TGFBR3: variants seen among roughly 807,000 people sequenced by gnomAD.
TGFBR3 encodes transforming growth factor beta receptor type 3.
TGFBR3 carries 46 observed loss-of-function variants against 87.9 expected under a neutral mutation model. That is an observed-to-expected ratio of 0.52 (90% confidence interval 0.41 to 0.67). The LOEUF (loss-of-function observed/expected upper bound fraction) is 0.67. Among genes scored for constraint, TGFBR3 ranks in the 30% least tolerant of loss-of-function variants. The probability of loss-of-function intolerance (pLI) is 0.00; values close to 1 mark genes in which losing one functional copy is unlikely to be tolerated. For synonymous variants in TGFBR3, 381 were observed against 391.6 expected, an observed-to-expected ratio of 0.97 and a Z score of 0.32; for missense variants, 866 against 1,041.9, an observed-to-expected ratio of 0.83 and a Z score of 2.32.
intron 12 of TGFBR3, among the ~76,000 whole-genome samples, chr1:91,715,337 C>T (rs893791943): frequency 2.6e-5 from 4 of 152,196 alleles, no homozygotes; most frequent in East Asian, 1.9e-4. Context: ...AAGTGATAGT[C>T]GTATCCAGCG....
chr1:91,839,681 T>C (rs918037069), intron 2 of TGFBR3, among the ~76,000 whole-genome samples: 7 of 152,154 alleles, frequency 4.6e-5, no homozygotes, highest in Non-Finnish European at 1.0e-4. Flanking sequence ...CATTCTCCAG[T>C]AGTTCCCAAA....
At chr1:91,843,083 T>C (rs965500307) in intron 2 of TGFBR3, among the ~76,000 whole-genome samples, 2 of 152,188 alleles carry the variant, frequency 1.3e-5, no homozygotes, top group African/African-American at 4.8e-5. Flanking sequence ...AGATCTAATT[T>C]TTGTACCAAA....
chr1:91,692,407 T>C (rs1571411412), intron 16 of TGFBR3, among the ~76,000 whole-genome samples: 2 of 151,804 alleles, frequency 1.3e-5, no homozygotes, highest in South Asian at 4.2e-4. Context: ...TCATAATGAG[T>C]CTTGTAGGAT....
At chr1:91,767,643 A>G (rs1206500531) in intron 3 of TGFBR3, among the ~76,000 whole-genome samples, 1 of 132,212 alleles carries the variant, frequency 7.6e-6, no homozygotes, top group Non-Finnish European at 1.7e-5. Context: ...TGCTGGAAGT[A>G]GAATGAATGT....
chr1:91,863,318 G>A (rs956366813), intron 1 of TGFBR3, among the ~76,000 whole-genome samples: 5 of 152,118 alleles, frequency 3.3e-5, no homozygotes, highest in Non-Finnish European at 7.4e-5. Context: ...AATAGCATAC[G>A]GATTATGATA....
At chr1:91,842,436 T>C (rs1677320812) in intron 2 of TGFBR3, among the ~76,000 whole-genome samples, 1 of 152,228 alleles carries the variant, frequency 6.6e-6, no homozygotes, top group African/African-American at 2.4e-5. Flanking sequence ...CCACTGGTCC[T>C]GATCCTCAGC....
intron 2 of TGFBR3, among the ~76,000 whole-genome samples, chr1:91,854,363 A>G (rs1174118162): frequency 6.6e-6 from 1 of 151,930 alleles, no homozygotes; most frequent in African/African-American, 2.4e-5. Context: ...CCTACCAAGT[A>G]CAACATCATG....
chr1:91,695,563 G>T, intron 16 of TGFBR3, 109 bp downstream of exon 16: 2 of 928,748 alleles, frequency 2.2e-6, no homozygotes, highest in South Asian at 2.7e-5. Flanking sequence ...AAAATAGTAG[G>T]AATGAACTTT....
At chr1:91,781,767 A>G (rs1261603507) in intron 3 of TGFBR3, among the ~76,000 whole-genome samples, 1 of 152,158 alleles carries the variant, frequency 6.6e-6, no homozygotes, top group Non-Finnish European at 1.5e-5. Flanking sequence ...GCTGATCTCT[A>G]ATAAACATAG....
At chr1:91,851,419 T>C (rs1166139232) in intron 2 of TGFBR3, among the ~76,000 whole-genome samples, 3 of 152,198 alleles carry the variant, frequency 2.0e-5, no homozygotes, top group Admixed American at 1.3e-4. Context: ...GATGGGCCAA[T>C]CATGCGCCTC....
chr1:91,780,923 A>ACAC (rs1674744571), intron 3 of TGFBR3, among the ~76,000 whole-genome samples: 2 of 151,174 alleles, frequency 1.3e-5, no homozygotes, highest in Admixed American at 1.3e-4. Flanking sequence ...ACACACACAC[A>ACAC]CACACACACA....
Position 91,864,726 on chromosome 1 carries a change from C to G in TGFBR3, c.-113-3082G>C, listed in dbSNP as rs564312298. ...AACACCCGACTTAGGAATCAGTTCC[C>G]TGGAATGCTGGATGGACTGAAGGCT... On this transcript the variant is annotated intron_variant, in intron 1 of 16. Coordinates refer to ENST00000212355, the MANE Select transcript of TGFBR3 (RefSeq NM_003243.5). 9.2e-5 allele frequency among the ~76,000 whole-genome samples: 14 copies of G among 152,310 alleles called. No homozygotes were observed. In the South Asian group the frequency reaches 2.5e-3, roughly 27 times the overall value.
chr1:91,724,753 G>A (rs568961133), intron 7 of TGFBR3, among the ~76,000 whole-genome samples: 2 of 152,192 alleles, frequency 1.3e-5, no homozygotes, highest in South Asian at 2.1e-4. Context: ...AAATGCAGGT[G>A]TACAAGGAGG....
intron 2 of TGFBR3, among the ~76,000 whole-genome samples, chr1:91,855,009 C>T (rs1469290799): frequency 1.3e-5 from 2 of 152,182 alleles, no homozygotes; most frequent in Non-Finnish European, 2.9e-5. Flanking sequence ...CTACTCAAGG[C>T]TGCCAGCTTG....
intron 3 of TGFBR3, among the ~76,000 whole-genome samples, chr1:91,775,497 C>T (rs556106930): frequency 5.3e-5 from 8 of 152,348 alleles, no homozygotes; most frequent in Admixed American, 2.6e-4. Context: ...AGTTCAAGCA[C>T]GCTTCCTCTA....
intron 14 of TGFBR3, among the ~76,000 whole-genome samples, chr1:91,705,709 C>T (rs1671778836): frequency 2.0e-5 from 3 of 152,154 alleles, no homozygotes; most frequent in African/African-American, 4.8e-5. Context: ...AGTTAGAAAG[C>T]AAATTTGCAT....
At chr1:91,888,171 T>C (rs1679376786), upstream of TGFBR3, among the ~76,000 whole-genome samples, 1 of 152,220 alleles carries the variant, frequency 6.6e-6, no homozygotes. Context: ...CTCTGCCTGC[T>C]GCCATCCACG....
chr1:91,687,367 C>G (rs944413996), intron 16 of TGFBR3, among the ~76,000 whole-genome samples: 4 of 152,134 alleles, frequency 2.6e-5, no homozygotes, highest in African/African-American at 9.7e-5. Context: ...CAAAAACAAA[C>G]AAACAAAAAA....
At chr1:91,772,053 T>C (rs1007682912) in intron 3 of TGFBR3, among the ~76,000 whole-genome samples, 2 of 151,794 alleles carry the variant, frequency 1.3e-5, no homozygotes, top group Non-Finnish European at 2.9e-5. Context: ...GCTAAGGAAA[T>C]ACAAAAAAGA....
Sources: allele counts gnomAD v4.1 joint callset (sites outside exome capture counted in the v4.1 genomes callset), GRCh38; gene constraint gnomAD v4.1.1; transcripts MANE v1.5; gene names NCBI Gene and HGNC (gene_info 2026-07-23, HGNC 2026-07-21).